The following COX10 variants were observed in gnomAD, a reference collection of about 807,000 sequenced individuals.
COX10 encodes the protein protoheme IX farnesyltransferase, mitochondrial.
In COX10, 27 loss-of-function variants were observed where a neutral mutation model predicts 37.3. The ratio of observed to expected loss-of-function variants is 0.72; its 90% CI spans 0.53 to 1.00. The LOEUF is 1.00. Ranked by LOEUF, COX10 falls within the 50% of genes least tolerant of loss-of-function variation. The pLI, the probability that COX10 is intolerant of heterozygous loss-of-function variation, is 0.00. For missense variants in COX10, 475 were observed against 563.2 expected, an observed-to-expected ratio of 0.84 and a Z score of 1.59; for synonymous variants, 222 against 229.1, an observed-to-expected ratio of 0.97 and a Z score of 0.28.
chr17:14,178,568 C>G (rs1208651756), intron 5 of COX10, among the ~76,000 whole-genome samples: 18 of 145,502 alleles, frequency 1.2e-4, no homozygotes, highest in Admixed American at 1.1e-3. Context: ...TCCAGTTACT[C>G]TTCTGTTTCT....
At chr17:14,084,607 C>T (rs117301682) in intron 3 of COX10, among the ~76,000 whole-genome samples, 2,813 of 152,228 alleles carry the variant, frequency 0.018, 44 homozygotes, top group Non-Finnish European at 0.028. Flanking sequence ...GTAATGTTTT[C>T]TTAAAACGCA....
At chr17:14,200,876 T>C (rs903744359) in intron 6 of COX10, among the ~76,000 whole-genome samples, 1 of 152,224 alleles carries the variant, frequency 6.6e-6, no homozygotes, top group Non-Finnish European at 1.5e-5. Flanking sequence ...CAATTTTAGA[T>C]CTCAGTTTAC....
chr17:14,119,391 A>G lies in COX10; in HGVS notation c.624+17149A>G, dbSNP rs151279938. On this transcript the variant is annotated intron_variant, in intron 4 of 6. Coordinates refer to ENST00000261643, the MANE Select transcript of COX10 (RefSeq NM_001303.4). ...CTTGTGTTCACCTGTTATGTCTTCA[A>G]CTGAGCATCTGTCACTCAGCACTGA... Among the ~76,000 whole-genome samples, 55 of 152,280 alleles carry G rather than the reference A, an allele frequency of 3.6e-4. No homozygotes were observed. In the East Asian group the frequency reaches 0.01, roughly 29 times the overall value.
rs970359741 is a variant in COX10 at position 14,126,774 on chromosome 17, G to A, written c.624+24532G>A. Reference sequence around the variant, plus strand: ...CTAAATGTCCCTTTGATAACTTGGTGTTTTATTTAACTCTTTCAAGCTCCT... The same window carrying A: ...CTAAATGTCCCTTTGATAACTTGGTATTTTATTTAACTCTTTCAAGCTCCT... On this transcript the variant is annotated intron_variant, in intron 4 of 6. Transcript: ENST00000261643. 6.6e-5 allele frequency among the ~76,000 whole-genome samples: 10 copies of A among 151,988 alleles called. No individual in the cohort carries two copies. In the South Asian group the frequency reaches 1.7e-3, roughly 25 times the overall value.
chr17:14,149,889 C>T (rs1272395246), intron 4 of COX10, among the ~76,000 whole-genome samples: 1 of 152,070 alleles, frequency 6.6e-6, no homozygotes, highest in African/African-American at 2.4e-5. Context: ...TATAACAGAT[C>T]ACAGGATTGC....
At chr17:14,125,899 T>C (rs1916332019) in intron 4 of COX10, among the ~76,000 whole-genome samples, 1 of 152,180 alleles carries the variant, frequency 6.6e-6, no homozygotes, top group Admixed American at 6.5e-5. Context: ...ACGGTGCTGT[T>C]TGTACCACCG....
intron 3 of COX10, among the ~76,000 whole-genome samples, chr17:14,079,876 GTATA>G (rs891639111): frequency 7.9e-6 from 1 of 126,134 alleles, no homozygotes; most frequent in Non-Finnish European, 1.7e-5. Flanking sequence ...ATGTATGTAT[GTATA>G]CACACACACA....
intron 1 of COX10, among the ~76,000 whole-genome samples, chr17:14,071,906 TA>T (rs909632326): frequency 5.4e-5 from 8 of 148,634 alleles, no homozygotes; most frequent in South Asian, 2.1e-4. Context: ...TCTCAAAAAA[TA>T]AAAAAAAAAT....
In COX10 at chr17:14,077,492, T is replaced by A. The variant is rs535682258; in HGVS notation, c.499+436T>A. ...TGTGTTTTGCTTCTTGTAGAGCCTCTGGGGTTGTCACAGGTCTGTGGGGAT... is the reference window on the plus strand; with the variant it reads ...TGTGTTTTGCTTCTTGTAGAGCCTCAGGGGTTGTCACAGGTCTGTGGGGAT... On this transcript the variant is annotated intron_variant, in intron 3 of 6. Transcript: ENST00000261643. Among the ~76,000 whole-genome samples, 135 of 152,308 alleles carry A rather than the reference T, an allele frequency of 8.9e-4. 1 individual carries two copies. Among genetic ancestry groups the A allele is most frequent in the African/African-American group, 3.2e-3 (131 of 41,556 alleles).
chr17:14,187,137 T>TTGTG (rs1313051986), intron 5 of COX10, among the ~76,000 whole-genome samples: 4 of 151,986 alleles, frequency 2.6e-5, no homozygotes, highest in African/African-American at 9.7e-5. Flanking sequence ...GAGTGTAAAC[T>TTGTG]TGTGCAAACT....
chr17:14,086,594 G>T (rs1018054547), intron 3 of COX10, among the ~76,000 whole-genome samples: 1 of 152,038 alleles, frequency 6.6e-6, no homozygotes, highest in Admixed American at 6.6e-5. Flanking sequence ...TACATGTATT[G>T]ATAAGTGATT....
At chr17:14,086,547 G>A (rs1175159196) in intron 3 of COX10, among the ~76,000 whole-genome samples, 3 of 151,938 alleles carry the variant, frequency 2.0e-5, no homozygotes, top group Non-Finnish European at 2.9e-5. Flanking sequence ...CTTCTTTTAC[G>A]CCTCTTGAGT....
chr17:14,189,299 T>A (rs1906131052), intron 5 of COX10, among the ~76,000 whole-genome samples: 1 of 152,194 alleles, frequency 6.6e-6, no homozygotes, highest in African/African-American at 2.4e-5. Flanking sequence ...CTGTTAACCA[T>A]TGGTCCACTT....
intron 4 of COX10, among the ~76,000 whole-genome samples, chr17:14,113,935 C>T (rs971286041): frequency 2.2e-4 from 33 of 152,100 alleles, no homozygotes; most frequent in Non-Finnish European, 2.5e-4. Flanking sequence ...CCATGTGAGG[C>T]GTTACGACAA....
rs758296497 is a variant in COX10 at position 14,102,189 on chromosome 17, C to A, written c.571C>A (p.Leu191Ile). The change falls in exon 4 of 7, where the codon CTT becomes ATT. Residue 191 changes from leucine to isoleucine, a missense_variant. Around this residue, in one of 5 missense-constraint regions of COX10, gnomAD observed 242 missense variants for 242.5 expected, o/e 1.00. Transcript: ENST00000261643. ...PGPFDWPCFL[L>I]TSVGTGLASC... Reference sequence around the variant, plus strand: ...CCCTTTTGACTGGCCCTGTTTCCTGCTTACTTCTGTTGGGACAGGCCTTGC... The same window carrying A: ...CCCTTTTGACTGGCCCTGTTTCCTGATTACTTCTGTTGGGACAGGCCTTGC... The A allele has an allele frequency of 6.2e-7, 1 of 1,613,788 alleles. No individual in the cohort carries two copies. The highest frequency in any genetic ancestry group is 8.5e-7 in the Non-Finnish European group (1 of 1,179,784).
intron 6 of COX10, among the ~76,000 whole-genome samples, chr17:14,195,249 AT>A (rs1906334550): frequency 1.3e-5 from 2 of 152,188 alleles, no homozygotes; most frequent in South Asian, 4.1e-4. Flanking sequence ...GGTACCTTCT[AT>A]TTTACAGGTG....
intron 6 of COX10, among the ~76,000 whole-genome samples, chr17:14,192,873 G>C (rs1014615124): frequency 5.9e-5 from 9 of 152,066 alleles, no homozygotes; most frequent in Non-Finnish European, 1.3e-4. Context: ...TAGGAAGGAA[G>C]TGGTGAGGTT....
At chr17:14,177,157 A>G (rs2856140) in intron 5 of COX10, 21 of 651,090 alleles carry the variant, frequency 3.2e-5, no homozygotes, top group East Asian at 8.2e-5. Flanking sequence ...TGTCTCTCAC[A>G]CTGCTGGGAG....
intron 4 of COX10, among the ~76,000 whole-genome samples, chr17:14,134,922 CA>C (rs1368789528): frequency 2.6e-5 from 4 of 151,718 alleles, no homozygotes; most frequent in Non-Finnish European, 5.9e-5. Context: ...TACAATATTA[CA>C]AGCAGGATGT....
Sources: allele counts gnomAD v4.1 joint callset (sites outside exome capture counted in the v4.1 genomes callset), GRCh38; gene constraint gnomAD v4.1.1; regional missense constraint gnomAD v4.1.1; transcripts MANE v1.5; gene names NCBI Gene and HGNC (gene_info 2026-07-23, HGNC 2026-07-21).